Variants in FILIP1L observed in about 807,000 individuals in gnomAD.
FILIP1L encodes the protein filamin A interacting protein 1 like, also known as filamin A-interacting protein 1-like.
A neutral mutation model predicts 96.6 loss-of-function variants in FILIP1L; 55 were observed. That is an observed-to-expected ratio of 0.57 (90% CI 0.46 to 0.71). FILIP1L has a LOEUF of 0.71. Among genes scored for constraint, FILIP1L ranks in the 30% least tolerant of loss-of-function variants. The pLI is 0.00. For missense variants in FILIP1L, 1,304 were observed against 1,321.2 expected (o/e 0.99, Z 0.20); for synonymous variants, 467 against 473.9 (o/e 0.99, Z 0.19).
chr3:100,074,675 A>ATTTTTTTTTTT (rs555819875), intron 1 of FILIP1L, among the ~76,000 whole-genome samples: 384 of 34,796 alleles, frequency 0.011, 157 homozygotes, highest in East Asian at 0.015. Context: ...GCAACATTTG[A>ATTTTTTTTTTT]TTTTTTTTTT....
intron 1 of FILIP1L, among the ~76,000 whole-genome samples, chr3:100,011,521 A>G: frequency 6.6e-6 from 1 of 152,336 alleles, no homozygotes; most frequent in African/African-American, 2.4e-5. Context: ...TTAATTTTAT[A>G]AACTAAATAC....
At chr3:100,081,925 A>G (rs1292866346) in intron 1 of FILIP1L, among the ~76,000 whole-genome samples, 2 of 152,156 alleles carry the variant, frequency 1.3e-5, no homozygotes, top group Non-Finnish European at 2.9e-5. Flanking sequence ...AGACACTGTC[A>G]GATGTCTTCC....
intron 1 of FILIP1L, among the ~76,000 whole-genome samples, chr3:99,986,265 A>G (rs1709339267): frequency 6.6e-6 from 1 of 152,180 alleles, no homozygotes; most frequent in South Asian, 2.1e-4. Flanking sequence ...ATTGAATGGG[A>G]TATGTCCCAG....
chr3:99,839,665 T>G (rs1193989738), intron 5 of FILIP1L, among the ~76,000 whole-genome samples: 1 of 152,218 alleles, frequency 6.6e-6, no homozygotes, highest in Non-Finnish European at 1.5e-5. Flanking sequence ...TAGTTTAGAA[T>G]TCAGGTATCT....
intron 1 of FILIP1L, among the ~76,000 whole-genome samples, chr3:100,020,047 A>C (rs958605837): frequency 2.6e-5 from 4 of 152,178 alleles, no homozygotes; most frequent in Admixed American, 2.0e-4. Flanking sequence ...GTAGCCATAC[A>C]AGCTTTCTTG....
At chr3:100,009,700 A>T (rs1308773373) in intron 1 of FILIP1L, among the ~76,000 whole-genome samples, 6 of 152,220 alleles carry the variant, frequency 3.9e-5, no homozygotes, top group Admixed American at 2.0e-4. Context: ...AGCACATGAT[A>T]CACTGGCACC....
chr3:100,053,469 GT>G (rs2065407771), intron 1 of FILIP1L, among the ~76,000 whole-genome samples: 1 of 152,156 alleles, frequency 6.6e-6, no homozygotes, highest in East Asian at 1.9e-4. Flanking sequence ...CCCTCGTTGT[GT>G]CTGTATCCAA....
At position 100,114,289 on chromosome 3, in the gene FILIP1L, A is replaced by C. The variant is rs1464243029; in HGVS notation, c.-247T>G. On this transcript the variant is annotated 5_prime_UTR_variant, in exon 1 of 6. Coordinates refer to ENST00000477258, the MANE Select transcript of FILIP1L (RefSeq NM_001387850.1). ...CCAACAACAAGTAGGCCCAAACACT[A>C]AATATTGCCCTCTTCCCTCTCCGGG... 1 of 151,652 alleles carries C rather than the reference A, an allele frequency of 6.6e-6. No homozygotes were observed. The highest frequency in any genetic ancestry group is 2.0e-4 in the East Asian group (1 of 5,112). The allele number at this position is 151,652 out of a possible 1,614,324, so 9.4% of individuals were successfully genotyped here.
At position 100,071,648 on chromosome 3, in the gene FILIP1L, C is replaced by G. The variant is rs559413473; in HGVS notation, c.-11+42405G>C. On this transcript the variant is annotated intron_variant, in intron 1 of 5. Coordinates refer to ENST00000477258, the MANE Select transcript of FILIP1L (RefSeq NM_001387850.1). ...GTCAACTTCTGGACACATCTTTATC[C>G]TGGACAGATCTTCCTTGGTCCATTC... Among the ~76,000 whole-genome samples the G allele has an allele frequency of 4.0e-4, 61 of 152,302 alleles. No individual in the cohort carries two copies. The South Asian group carries it at 0.012, about 30-fold the overall frequency.
intron 1 of FILIP1L, among the ~76,000 whole-genome samples, chr3:100,108,785 G>A (rs2066436066): frequency 6.6e-6 from 1 of 152,092 alleles, no homozygotes. Context: ...GTCTTCTTTT[G>A]TGGTACACCT....
At chr3:99,996,994 C>G (rs1238355487) in intron 1 of FILIP1L, among the ~76,000 whole-genome samples, 1 of 152,132 alleles carries the variant, frequency 6.6e-6, no homozygotes, top group African/African-American at 2.4e-5. Context: ...GTATACAGCA[C>G]AAGCAGTGCT....
Position 99,930,821 on chromosome 3 carries a change from A to G in FILIP1L, c.200T>C (p.Leu67Pro), listed in dbSNP as rs1157127399. The G allele has an allele frequency of 1.2e-6, 2 of 1,612,368 alleles. No individual in the cohort carries two copies. Among genetic ancestry groups the G allele is most frequent in the East Asian group, 4.5e-5 (2 of 44,766 alleles). ...GAGAAATAACAGGTCATCTCTTGAG[A>G]GGTCTTCTGCTTGGTGGCCATTACC... The part of the protein sequence containing the change: ...HSGNGHQAED[L>P]SRDDLLFLLS... The change falls in exon 2 of 6, where the codon CTC becomes CCC. Residue 67 changes from leucine to proline, a missense_variant. Coordinates refer to ENST00000477258, the MANE Select transcript of FILIP1L (RefSeq NM_001387850.1).
intron 3 of FILIP1L, among the ~76,000 whole-genome samples, chr3:99,926,693 A>G (rs533054779): frequency 6.6e-6 from 1 of 152,382 alleles, no homozygotes; most frequent in African/African-American, 2.4e-5. Flanking sequence ...TCTAAATCCA[A>G]AAACAGTATT....
chr3:99,833,770 T>G (rs1329314933), intron 5 of FILIP1L, among the ~76,000 whole-genome samples: 1 of 152,196 alleles, frequency 6.6e-6, no homozygotes, highest in Non-Finnish European at 1.5e-5. Context: ...CTCTGGTCAT[T>G]TTGATATGTG....
intron 1 of FILIP1L, among the ~76,000 whole-genome samples, chr3:99,982,858 AT>A (rs769308210): frequency 6.6e-6 from 1 of 152,250 alleles, no homozygotes; most frequent in Non-Finnish European, 1.5e-5. Flanking sequence ...GCAATAAAAA[AT>A]AAATAAATTC....
At chr3:100,036,878 G>A (rs1048701709) in intron 1 of FILIP1L, among the ~76,000 whole-genome samples, 8 of 152,086 alleles carry the variant, frequency 5.3e-5, no homozygotes, top group Non-Finnish European at 1.0e-4. Flanking sequence ...AGAAAGATAC[G>A]TTATTTCTGT....
intron 4 of FILIP1L, among the ~76,000 whole-genome samples, chr3:99,880,870 C>A (rs1705702345): frequency 6.6e-6 from 1 of 151,888 alleles, no homozygotes; most frequent in South Asian, 2.1e-4. Context: ...TGTGGATGGA[C>A]CCTGTATGTG....
At chr3:99,949,204 C>T (rs532868641) in intron 1 of FILIP1L, among the ~76,000 whole-genome samples, 1 of 152,260 alleles carries the variant, frequency 6.6e-6, no homozygotes, top group South Asian at 2.1e-4. Flanking sequence ...AAAAACTTGC[C>T]TTGTAACCTC....
chr3:100,080,237 C>A (rs115254922), intron 1 of FILIP1L, among the ~76,000 whole-genome samples: 347 of 152,256 alleles, frequency 2.3e-3, no homozygotes, highest in African/African-American at 8.1e-3. Flanking sequence ...CCTGCCTTGG[C>A]CTCCCAAAGT....
Sources: gnomAD v4.1 joint callset for allele counts (sites outside exome capture counted in the v4.1 genomes callset) on GRCh38, gnomAD v4.1.1 for gene constraint, MANE v1.5 for transcripts, NCBI Gene and HGNC (gene_info 2026-07-23, HGNC 2026-07-21) for gene names.